ECT2L: variants seen among roughly 807,000 people sequenced by gnomAD.
ECT2L encodes the protein epithelial cell-transforming sequence 2 oncogene-like.
Under a neutral mutation model 122.8 loss-of-function variants are expected in ECT2L, and 126 were observed. That is an observed-to-expected ratio of 1.03 (90% confidence interval 0.89 to 1.19). ECT2L has a LOEUF of 1.19. ECT2L is among the 50% of genes most tolerant of loss of function. ECT2L has a pLI of 0.00. For missense variants in ECT2L, 1,012 were observed against 1,064.1 expected, an observed-to-expected ratio of 0.95 and a Z score of 0.68; for synonymous variants, 385 against 381.8, an observed-to-expected ratio of 1.01 and a Z score of -0.10.
intron 4 of ECT2L, among the ~76,000 whole-genome samples, chr6:138,831,475 G>A (rs1322776936): frequency 1.3e-5 from 2 of 152,082 alleles, no homozygotes; most frequent in Non-Finnish European, 2.9e-5. Flanking sequence ...CCTTCATCCA[G>A]CTCCTCAGGG....
intron 5 of ECT2L, among the ~76,000 whole-genome samples, chr6:138,840,677 T>C (rs1777008193): frequency 6.6e-6 from 1 of 152,158 alleles, no homozygotes; most frequent in African/African-American, 2.4e-5. Context: ...GTAACATTTC[T>C]ATCATCTCTA....
intron 18 of ECT2L, among the ~76,000 whole-genome samples, chr6:138,886,078 T>C (rs897757714): frequency 1.3e-5 from 2 of 152,132 alleles, no homozygotes; most frequent in Non-Finnish European, 2.9e-5. Flanking sequence ...TTATGAAAGT[T>C]TGAAGAATGA....
chr6:138,831,484 G>A (rs1329319768), intron 4 of ECT2L, among the ~76,000 whole-genome samples: 2 of 152,108 alleles, frequency 1.3e-5, no homozygotes, highest in East Asian at 3.8e-4. Flanking sequence ...AGCTCCTCAG[G>A]GATGCTGCCT....
chr6:138,890,492 C>CTTTTTTTTTTTTTTTTTTTTTTTTT lies in ECT2L; in HGVS notation c.2414+1465_2414+1489dup, dbSNP rs552594959. Reference sequence around the variant, plus strand: ...TCATGACATTTTTGTTTTCTTTGATCTTTTTTTTTTTTTTTTTTTTTTTTT... The same window carrying CTTTTTTTTTTTTTTTTTTTTTTTTT: ...TCATGACATTTTTGTTTTCTTTGATCTTTTTTTTTTTTTTTTTTTTTTTTTTTTTTTTTTTTTTTTTTTTTTTTTT... On this transcript the variant is annotated intron_variant, in intron 20 of 21. Coordinates refer to ENST00000541398, the MANE Select transcript of ECT2L (RefSeq NM_001077706.3). 5.4e-4 allele frequency among the ~76,000 whole-genome samples: 43 copies of CTTTTTTTTTTTTTTTTTTTTTTTTT among 78,986 alleles called. 6 individuals are homozygous for CTTTTTTTTTTTTTTTTTTTTTTTTT. Among genetic ancestry groups the CTTTTTTTTTTTTTTTTTTTTTTTTT allele is most frequent in the East Asian group, 3.8e-3 (6 of 1,560 alleles). The allele number at this position is 78,986 out of a possible 152,430, so 51.8% of individuals were successfully genotyped here. A position where few individuals can be genotyped will look rare whatever the true frequency, so the allele number is the denominator to read the frequency against.
In ECT2L at chr6:138,871,120, A is replaced by G. The variant is rs370939649; in HGVS notation, c.1578+2914A>G. 7.2e-5 allele frequency among the ~76,000 whole-genome samples: 11 copies of G among 152,182 alleles called. No homozygotes were observed. The East Asian group carries it at 2.1e-3, about 29-fold the overall frequency. On this transcript the variant is annotated intron_variant, in intron 13 of 21. Coordinates refer to ENST00000541398, the MANE Select transcript of ECT2L (RefSeq NM_001077706.3). Reference sequence around the variant, plus strand: ...CCAGTACTATATTAGGAATCCAAGCATTCTTGTTTACATGAAATAACCAGG... The same window carrying G: ...CCAGTACTATATTAGGAATCCAAGCGTTCTTGTTTACATGAAATAACCAGG...
Position 138,854,136 on chromosome 6 carries a change from G to A in ECT2L, c.1180G>A (p.Val394Met), listed in dbSNP as rs367782648. The change falls in exon 10 of 22, where the codon GTG (valine) becomes ATG (methionine). Residue 394 changes from valine (V) to methionine (M), a missense_variant. Val to Met is a conservative substitution (Grantham distance 21). Transcript: ENST00000541398. The stretch of plus-strand genomic sequence containing the variant: ...AGAAGGGGGTCACGTGGACTTCTTC[G>A]TGCCCCTTGGAGCATCAGGTTAGCT... ...EEEGGHVDFF[V>M]PLGASEAGIE... 2.3e-5 allele frequency: 37 copies of A among 1,613,782 alleles called. No individual in the cohort carries two copies. Among genetic ancestry groups the A allele is most frequent in the South Asian group, 5.5e-5 (5 of 91,052 alleles).
intron 7 of ECT2L, among the ~76,000 whole-genome samples, chr6:138,845,975 G>A (rs1219888468): frequency 1.3e-5 from 2 of 152,136 alleles, no homozygotes; most frequent in African/African-American, 2.4e-5. Flanking sequence ...GGAGGCTGAG[G>A]TGGAAGGATT....
At chr6:138,844,349 GT>G (rs1777145115) in intron 6 of ECT2L, 62 bp from the exon 7 acceptor site, 29 of 1,574,884 alleles carry the variant, frequency 1.8e-5, no homozygotes, top group Non-Finnish European at 2.5e-5. Flanking sequence ...GCCTTTATCT[GT>G]GTGGACTTGG....
intron 14 of ECT2L, among the ~76,000 whole-genome samples, chr6:138,878,050 A>T (rs1327500839): frequency 6.6e-6 from 1 of 152,210 alleles, no homozygotes; most frequent in East Asian, 1.9e-4. Context: ...CTTGGTGAAG[A>T]TCACATAGCA....
At chr6:138,797,983 TGA>T (rs1440823287) in intron 1 of ECT2L, among the ~76,000 whole-genome samples, 4 of 152,198 alleles carry the variant, frequency 2.6e-5, no homozygotes, top group Non-Finnish European at 5.9e-5. Context: ...TTTGCTAGAG[TGA>T]CTCACGGAAT....
intron 13 of ECT2L, among the ~76,000 whole-genome samples, chr6:138,872,120 C>T (rs1201399261): frequency 6.6e-6 from 1 of 152,086 alleles, no homozygotes; most frequent in African/African-American, 2.4e-5. Flanking sequence ...GATTACAGGC[C>T]TGAGCCACCA....
At chr6:138,838,549 A>T (rs775575461) in intron 5 of ECT2L, 35 bp downstream of exon 5, 2 of 1,590,806 alleles carry the variant, frequency 1.3e-6, no homozygotes, top group East Asian at 2.2e-5. Flanking sequence ...AATAGGGCAC[A>T]AGTACAGCTG....
intron 18 of ECT2L, 33 bp from the exon 19 acceptor site, chr6:138,886,824 T>C: frequency 6.7e-7 from 1 of 1,498,278 alleles, no homozygotes; most frequent in Non-Finnish European, 9.3e-7. Context: ...TGTCACAATT[T>C]TAGTTTGCCT....
At chr6:138,885,429 G>A (rs992481230) in intron 16 of ECT2L, 77 bp from the exon 17 acceptor site, 4 of 1,441,970 alleles carry the variant, frequency 2.8e-6, no homozygotes, top group Non-Finnish European at 3.9e-6. Flanking sequence ...GCATTCCATA[G>A]ATCATGCTTG....
intron 1 of ECT2L, among the ~76,000 whole-genome samples, chr6:138,800,445 AT>A (rs1419673996): frequency 1.3e-5 from 2 of 152,230 alleles, no homozygotes; most frequent in Non-Finnish European, 2.9e-5. Context: ...TGACTGCTGT[AT>A]TGTAACCAGA....
intron 21 of ECT2L, 33 bp from the exon 22 acceptor site, chr6:138,902,467 A>G (rs763353394): frequency 4.6e-5 from 73 of 1,575,468 alleles, no homozygotes; most frequent in Non-Finnish European, 5.8e-5. Context: ...TTATCTGCAA[A>G]GATTAATTAG....
intron 19 of ECT2L, among the ~76,000 whole-genome samples, chr6:138,887,224 C>CTTTTTT (rs10622407): frequency 3.4e-5 from 5 of 149,052 alleles, no homozygotes; most frequent in Non-Finnish European, 7.4e-5. Flanking sequence ...GTTTTCTTTT[C>CTTTTTT]TTTAATTTTT....
intron 20 of ECT2L, among the ~76,000 whole-genome samples, chr6:138,893,704 G>T (rs371726752): frequency 2.6e-5 from 4 of 152,150 alleles, no homozygotes; most frequent in African/African-American, 9.7e-5. Flanking sequence ...TTACAGGCGT[G>T]AGCCACCGCA....
chr6:138,899,434 A>T (rs1331894761), intron 20 of ECT2L, among the ~76,000 whole-genome samples: 2 of 143,196 alleles, frequency 1.4e-5, no homozygotes, highest in Non-Finnish European at 3.0e-5. Flanking sequence ...TTTCCTGTAC[A>T]TAGATTGTGT....
Sources: allele counts gnomAD v4.1 joint callset (sites outside exome capture counted in the v4.1 genomes callset), GRCh38; gene constraint gnomAD v4.1.1; transcripts MANE v1.5; gene names NCBI Gene and HGNC (gene_info 2026-07-23, HGNC 2026-07-21).